The following ZNF618 variants were observed in gnomAD, a reference collection of about 807,000 sequenced individuals.
ZNF618 encodes neural precursor cell expressed, developmentally down-regulated 10.
Under a neutral mutation model 103.0 loss-of-function variants are expected in ZNF618, and 34 were observed. The observed-to-expected ratio is 0.33, with a 90% CI of 0.25 to 0.44. The LOEUF is 0.44. Ranked by LOEUF, ZNF618 falls within the 20% of genes least tolerant of loss-of-function variation. The pLI, the probability that ZNF618 is intolerant of heterozygous loss-of-function variation, is 1.00. For missense variants in ZNF618, 1,059 were observed against 1,295.4 expected, an observed-to-expected ratio of 0.82 and a Z score of 2.80; for synonymous variants, 551 against 542.2, an observed-to-expected ratio of 1.02 and a Z score of -0.23.
rs777808522 is a variant in ZNF618 at position 114,002,032 on chromosome 9, A to G, written c.470A>G (p.Lys157Arg). ...TGCGGAATCTGTGGCAAGAAGTACA[A>G]GTATTACAACTGCTTCCAGACCCAC... ...YECGICGKKYKYYNCFQTHVR... is the reference protein window; with the variant it reads ...YECGICGKKYRYYNCFQTHVR... Residue 157 changes from lysine (K) to arginine (R), a missense_variant, in exon 5 of 15, where the codon AAG (lysine) becomes AGG (arginine). Around this residue, in one of 6 missense-constraint regions of ZNF618, gnomAD observed 1 missense variants for 16.5 expected, o/e 0.06. Transcript: ENST00000374126. 1.2e-6 allele frequency: 2 copies of G among 1,613,924 alleles called. No homozygotes were observed. The highest frequency in any genetic ancestry group is 2.2e-5 in the South Asian group (2 of 91,080).
chr9:113,995,992 A>G (rs1162486199), intron 3 of ZNF618, among the ~76,000 whole-genome samples: 1 of 152,130 alleles, frequency 6.6e-6, no homozygotes, highest in Non-Finnish European at 1.5e-5. Context: ...TGATTTTAGG[A>G]AAGAACACAT....
In ZNF618 at chr9:114,050,462, A is replaced by G. The variant is rs1022654368; in HGVS notation, c.*295A>G. The G allele has an allele frequency of 1.0e-5, 3 of 297,328 alleles. No homozygotes were observed. The highest frequency in any genetic ancestry group is 5.8e-5 in the South Asian group (1 of 17,154). 18.4% of individuals were successfully genotyped at this position (297,328 alleles called of 1,614,324 possible). ...CACACGCACACACACACACACACAC[A>G]CACACACACACACGACCCTGGTGCG... On this transcript the variant is annotated 3_prime_UTR_variant, in exon 15 of 15. Transcript: ENST00000374126.
At chr9:114,023,473 A>T (rs1403664832) in intron 10 of ZNF618, among the ~76,000 whole-genome samples, 1 of 152,170 alleles carries the variant, frequency 6.6e-6, no homozygotes, top group Admixed American at 6.5e-5. Context: ...AAACCCAACA[A>T]TTACTCTTTT....
intron 1 of ZNF618, among the ~76,000 whole-genome samples, chr9:113,928,665 T>G (rs546135393): frequency 6.6e-6 from 1 of 152,324 alleles, no homozygotes. Flanking sequence ...CCTTTTCCTG[T>G]TGTCTTTAGA....
chr9:114,041,949 T>C (rs578015601), intron 13 of ZNF618, among the ~76,000 whole-genome samples: 2 of 152,358 alleles, frequency 1.3e-5, no homozygotes, highest in African/African-American at 4.8e-5. Context: ...TATTGATTCT[T>C]CCTATCCATG....
intron 2 of ZNF618, among the ~76,000 whole-genome samples, chr9:113,983,152 G>A (rs924388888): frequency 6.6e-6 from 1 of 151,956 alleles, no homozygotes; most frequent in African/African-American, 2.4e-5. Flanking sequence ...CTAATGATTC[G>A]TGCTGAGAAT....
intron 13 of ZNF618, among the ~76,000 whole-genome samples, chr9:114,038,154 T>C (rs1401405606): frequency 6.6e-6 from 1 of 152,146 alleles, no homozygotes; most frequent in Non-Finnish European, 1.5e-5. Flanking sequence ...CCTGAACATA[T>C]CGCTTGGTCC....
intron 9 of ZNF618, among the ~76,000 whole-genome samples, chr9:114,016,428 G>A (rs1225000905): frequency 2.0e-5 from 3 of 152,142 alleles, no homozygotes; most frequent in Non-Finnish European, 4.4e-5. Context: ...AATCCTCACA[G>A]CAATCCTACA....
intron 1 of ZNF618, among the ~76,000 whole-genome samples, chr9:113,963,266 C>T (rs540625990): frequency 1.4e-4 from 22 of 152,214 alleles, no homozygotes; most frequent in Non-Finnish European, 2.4e-4. Flanking sequence ...GGTCACATAT[C>T]TTCCTGCAAG....
Position 114,002,150 on chromosome 9 carries a change from G to T in ZNF618, c.511+77G>T, listed in dbSNP as rs1055079009. On this transcript the variant is annotated intron_variant, in intron 5 of 14. Transcript: ENST00000374126. ...TGCCTGTTTCCCACTTGGGCCCCTC[G>T]TGGGTGACCCCAGAGGCCCTGACAG... is the stretch of plus-strand genomic sequence containing the variant. The T allele has an allele frequency of 3.0e-6, 4 of 1,355,524 alleles. No homozygotes were observed. In the East Asian group the frequency reaches 6.9e-5, roughly 23 times the overall value. The allele number at this position is 1,355,524 out of a possible 1,614,324, so 84.0% of individuals were successfully genotyped here. A position where few individuals can be genotyped will look rare whatever the true frequency, so the allele number is the denominator to read the frequency against.
At chr9:113,924,994 G>T (rs571405449) in intron 1 of ZNF618, among the ~76,000 whole-genome samples, 1 of 151,988 alleles carries the variant, frequency 6.6e-6, no homozygotes, top group African/African-American at 2.4e-5. Context: ...AATGTGTATT[G>T]TGGTGTTGTT....
chr9:114,032,785 C>T (rs1242550524), intron 12 of ZNF618, 57 bp downstream of exon 12: 12 of 1,486,530 alleles, frequency 8.1e-6, no homozygotes, highest in Non-Finnish European at 1.1e-5. Flanking sequence ...CGCCCGCTCC[C>T]CCCTGGCAGC....
chr9:113,972,795 G>A (rs1018704023), intron 2 of ZNF618, among the ~76,000 whole-genome samples: 1 of 152,170 alleles, frequency 6.6e-6, no homozygotes, highest in Non-Finnish European at 1.5e-5. Context: ...GGCCCAGTGC[G>A]GTGGCTCACC....
chr9:114,014,567 A>G (rs1407096669), intron 9 of ZNF618, among the ~76,000 whole-genome samples: 2 of 152,248 alleles, frequency 1.3e-5, no homozygotes, highest in African/African-American at 4.8e-5. Context: ...TACCTGTTTA[A>G]TGAATGACAG....
At chr9:113,902,092 C>A (rs368281826) in intron 1 of ZNF618, among the ~76,000 whole-genome samples, 338 of 152,062 alleles carry the variant, frequency 2.2e-3, no homozygotes, top group Non-Finnish European at 3.9e-3. Flanking sequence ...AGGGTAAGAA[C>A]AATCAGAAGC....
intron 1 of ZNF618, among the ~76,000 whole-genome samples, chr9:113,903,988 C>A (rs1326056126): frequency 6.8e-6 from 1 of 147,568 alleles, no homozygotes; most frequent in African/African-American, 2.5e-5. Context: ...ATATCTTTCT[C>A]TTCTCCCCTT....
Position 113,998,334 on chromosome 9 carries a change from A to G in ZNF618, c.413A>G (p.Gln138Arg), listed in dbSNP as rs957818965. ...TATTCAGGGACCTGGATTTTTGACC[A>G]AGCATTGAGATATGCATCTGGTACG... ...SRYSGTWIFDQALRYASGSYE... is the reference protein window; with the variant it reads ...SRYSGTWIFDRALRYASGSYE... Residue 138 changes from glutamine to arginine, a missense_variant, in exon 4 of 15, where the codon CAA becomes CGA. By Grantham distance (43) the Gln-to-Arg change is conservative. This residue lies in a region of ZNF618 where 194 missense variants were observed against 209.0 expected (regional missense o/e 0.93). Transcript: ENST00000374126. 6.4e-7 allele frequency: 1 copy of G among 1,550,514 alleles called. No individual in the cohort carries two copies. Among genetic ancestry groups the G allele is most frequent in the South Asian group, 1.2e-5 (1 of 84,062 alleles).
At chr9:113,953,182 C>T (rs367888315) in intron 1 of ZNF618, among the ~76,000 whole-genome samples, 1 of 152,180 alleles carries the variant, frequency 6.6e-6, no homozygotes, top group Non-Finnish European at 1.5e-5. Flanking sequence ...TCACCCTGTT[C>T]GGCTCCCAGG....
intron 3 of ZNF618, among the ~76,000 whole-genome samples, chr9:113,991,716 A>G (rs1018702082): frequency 2.0e-5 from 3 of 152,352 alleles, no homozygotes; most frequent in Non-Finnish European, 4.4e-5. Context: ...AGTGGGCTTC[A>G]GTTTTCTCCC....
Sources: allele counts gnomAD v4.1 joint callset (sites outside exome capture counted in the v4.1 genomes callset), GRCh38; gene constraint gnomAD v4.1.1; regional missense constraint gnomAD v4.1.1; transcripts MANE v1.5; gene names NCBI Gene and HGNC (gene_info 2026-07-23, HGNC 2026-07-21).